GABRB1: variants seen among roughly 807,000 people sequenced by gnomAD.
GABRB1 encodes the protein gamma-aminobutyric acid receptor subunit beta-1.
GABRB1 carries 17 observed loss-of-function variants against 51.6 expected under a neutral mutation model. The ratio of observed to expected loss-of-function variants is 0.33; its 90% confidence interval spans 0.23 to 0.49. GABRB1 has a LOEUF of 0.49. Ranked by LOEUF, GABRB1 falls within the 20% of genes least tolerant of loss-of-function variation. The probability of loss-of-function intolerance (pLI) is 0.99; values close to 1 mark genes in which losing one functional copy is unlikely to be tolerated. For synonymous variants in GABRB1, 247 were observed against 218.9 expected (o/e 1.13, Z -1.14); for missense variants, 410 against 600.6 (o/e 0.68, Z 3.32).
chr4:47,324,972 C>G (rs1415719509), intron 5 of GABRB1, among the ~76,000 whole-genome samples: 1 of 152,288 alleles, frequency 6.6e-6, no homozygotes, highest in Non-Finnish European at 1.5e-5. Flanking sequence ...ATTTCTCCCC[C>G]GCTCTATTGC....
intron 1 of GABRB1, among the ~76,000 whole-genome samples, chr4:47,017,045 A>G (rs951503019): frequency 6.6e-6 from 1 of 152,232 alleles, no homozygotes; most frequent in African/African-American, 2.4e-5. Context: ...TGAGAATGCA[A>G]AAATTAATAC....
At chr4:47,243,033 T>C (rs903694675) in intron 4 of GABRB1, among the ~76,000 whole-genome samples, 2 of 152,258 alleles carry the variant, frequency 1.3e-5, no homozygotes, top group Non-Finnish European at 2.9e-5. Flanking sequence ...GACATTTAAG[T>C]CTTTAATCCA....
intron 5 of GABRB1, among the ~76,000 whole-genome samples, chr4:47,370,103 C>T (rs1174402706): frequency 1.3e-5 from 2 of 152,176 alleles, no homozygotes; most frequent in Admixed American, 1.3e-4. Flanking sequence ...CAAACACACA[C>T]ACACTCAAAA....
chr4:47,367,165 G>A (rs2110015054), intron 5 of GABRB1, among the ~76,000 whole-genome samples: 1 of 152,216 alleles, frequency 6.6e-6, no homozygotes, highest in South Asian at 2.1e-4. Context: ...ATAATTAGTA[G>A]GCATTACCAT....
intron 3 of GABRB1, among the ~76,000 whole-genome samples, chr4:47,118,520 A>G (rs1358767924): frequency 6.6e-6 from 1 of 152,172 alleles, no homozygotes; most frequent in East Asian, 1.9e-4. Context: ...GCCAGTTACT[A>G]TCTTGTTCAC....
chr4:47,039,406 T>C (rs904069790), intron 3 of GABRB1, among the ~76,000 whole-genome samples: 2 of 148,022 alleles, frequency 1.4e-5, no homozygotes, highest in African/African-American at 2.5e-5. Context: ...TCTGTTCTTG[T>C]AGAGCTTATA....
intron 3 of GABRB1, among the ~76,000 whole-genome samples, chr4:47,047,358 A>T (rs2109500536): frequency 6.6e-6 from 1 of 152,246 alleles, no homozygotes; most frequent in African/African-American, 2.4e-5. Context: ...ATGAATATTA[A>T]CCTACTTAAT....
rs545362380 is a variant in GABRB1, at chr4:47,406,662, G to A, written c.836-20G>A. 1.2e-5 allele frequency: 19 copies of A among 1,613,850 alleles called. No homozygotes were observed. The African/African-American group carries it at 1.5e-4, about 12-fold the overall frequency. ...TTAATAGTGGCACCTTCAGCTAAGT[G>A]TTGTCTTTCTCTTTCACAGGAATCA... On this transcript the variant is annotated intron_variant, in intron 7 of 8. Transcript: ENST00000295454.
At chr4:47,274,634 G>T (rs1331098300) in intron 4 of GABRB1, among the ~76,000 whole-genome samples, 1 of 152,146 alleles carries the variant, frequency 6.6e-6, no homozygotes, top group Non-Finnish European at 1.5e-5. Flanking sequence ...TTTAGAGAAG[G>T]TTGTTACCCC....
At chr4:47,083,601 G>A (rs1265496736) in intron 3 of GABRB1, among the ~76,000 whole-genome samples, 1 of 151,980 alleles carries the variant, frequency 6.6e-6, no homozygotes, top group Non-Finnish European at 1.5e-5. Flanking sequence ...ACTAAACTGG[G>A]GTAATATTCC....
rs1280866473 is a variant in GABRB1 at position 47,334,409 on chromosome 4, T to C, written c.544+14200T>C. ...TGAATCAGAGAGTTTGAGTTTTAAA[T>C]AAACTGAGGCAGAAAAGTCTTTTTC... is the stretch of plus-strand genomic sequence containing the variant. On this transcript the variant is annotated intron_variant, in intron 5 of 8. Transcript: ENST00000295454. 7.2e-5 allele frequency among the ~76,000 whole-genome samples: 11 copies of C among 152,274 alleles called. No homozygotes were observed. The East Asian group carries it at 2.1e-3, about 29-fold the overall frequency.
intron 4 of GABRB1, among the ~76,000 whole-genome samples, chr4:47,212,236 C>G (rs1361642367): frequency 3.3e-5 from 5 of 152,202 alleles, no homozygotes; most frequent in Admixed American, 1.3e-4. Context: ...GCTCTTCCAC[C>G]TCTGATCTCC....
At chr4:47,418,311 G>C (rs1560377690) in intron 8 of GABRB1, among the ~76,000 whole-genome samples, 1 of 152,226 alleles carries the variant, frequency 6.6e-6, no homozygotes, top group Non-Finnish European at 1.5e-5. Flanking sequence ...TGGAAACTCA[G>C]ATGAGAGTTG....
intron 4 of GABRB1, among the ~76,000 whole-genome samples, chr4:47,265,294 G>T (rs1458272054): frequency 6.6e-6 from 1 of 151,912 alleles, no homozygotes; most frequent in Non-Finnish European, 1.5e-5. Flanking sequence ...GTTTTTTATG[G>T]CTGAAAAGTA....
rs149251310 is a variant in GABRB1 at position 47,234,686 on chromosome 4, G to A, written c.461+73217G>A. ...AATTTAAGTTACCCTAATTTAGGGCGTTTGAAAAGGAAGAAAAAATTCTCC... is the reference window on the plus strand; with the variant it reads ...AATTTAAGTTACCCTAATTTAGGGCATTTGAAAAGGAAGAAAAAATTCTCC... On this transcript the variant is annotated intron_variant, in intron 4 of 8. Transcript: ENST00000295454. Among the ~76,000 whole-genome samples the A allele has an allele frequency of 5.6e-4, 85 of 152,170 alleles. No homozygotes were observed. In the East Asian group the frequency reaches 0.015, roughly 26 times the overall value.
chr4:47,011,905 A>G (rs904424834), intron 1 of GABRB1, among the ~76,000 whole-genome samples: 1 of 152,184 alleles, frequency 6.6e-6, no homozygotes, highest in African/African-American at 2.4e-5. Context: ...AGGAAAAAAA[A>G]TCCCACAGTA....
At chr4:47,178,745 T>C (rs1718808722) in intron 4 of GABRB1, among the ~76,000 whole-genome samples, 2 of 152,098 alleles carry the variant, frequency 1.3e-5, no homozygotes, top group Admixed American at 1.3e-4. Context: ...TATCTAGAAA[T>C]ACACATGCCA....
chr4:47,015,082 A>G (rs906242803), intron 1 of GABRB1, among the ~76,000 whole-genome samples: 1 of 152,016 alleles, frequency 6.6e-6, no homozygotes, highest in Non-Finnish European at 1.5e-5. Flanking sequence ...AATTTTTTGT[A>G]TTTTTAGTAG....
At chr4:47,135,133 G>T (rs1287391284) in intron 3 of GABRB1, among the ~76,000 whole-genome samples, 1 of 152,002 alleles carries the variant, frequency 6.6e-6, no homozygotes, top group Admixed American at 6.6e-5. Context: ...AAAAAAACAT[G>T]TAAGGAGTAG....
Sources: allele counts gnomAD v4.1 joint callset (sites outside exome capture counted in the v4.1 genomes callset), GRCh38; gene constraint gnomAD v4.1.1; transcripts MANE v1.5; gene names NCBI Gene and HGNC (gene_info 2026-07-23, HGNC 2026-07-21).